EP400: variants seen among roughly 807,000 people sequenced by gnomAD.
EP400 encodes E1A binding protein p400.
Under a neutral mutation model 354.1 loss-of-function variants are expected in EP400, and 105 were observed. That is an observed-to-expected ratio of 0.30 (90% CI 0.25 to 0.35). The LOEUF (loss-of-function observed/expected upper bound fraction) is 0.35, where lower values mean the gene tolerates loss of function less well. EP400 is among the 10% of genes least tolerant of loss of function. EP400 has a pLI of 1.00. For missense variants in EP400, 3,280 were observed against 4,121.0 expected (o/e 0.80, Z 5.59); for synonymous variants, 1,646 against 1,716.9 (o/e 0.96, Z 1.02).
At chr12:132,071,381 T>A (rs1322301284) in intron 51 of EP400, among the ~76,000 whole-genome samples, 1 of 152,160 alleles carries the variant, frequency 6.6e-6, no homozygotes, top group East Asian at 1.9e-4. Context: ...AGATGTCTGA[T>A]CCCTCAGGCC....
intron 23 of EP400, among the ~76,000 whole-genome samples, 181 bp downstream of exon 23, chr12:132,021,502 T>C (rs1894122915): frequency 6.6e-6 from 1 of 152,276 alleles, no homozygotes; most frequent in African/African-American, 2.4e-5. Flanking sequence ...GGAGCGCCTC[T>C]GTGGAGGCCA....
intron 45 of EP400, among the ~76,000 whole-genome samples, chr12:132,060,921 A>C (rs1895671476): frequency 6.6e-6 from 1 of 151,970 alleles, no homozygotes; most frequent in Admixed American, 6.6e-5. Flanking sequence ...TCTCAAAAAA[A>C]AAAAAAAACA....
intron 35 of EP400, 138 bp from the exon 36 acceptor site, chr12:132,044,533 A>T: frequency 8.2e-7 from 1 of 1,220,454 alleles, no homozygotes; most frequent in Non-Finnish European, 1.2e-6. Context: ...TCTGATTAAA[A>T]CATTTATAAG....
chr12:132,025,587 G>T lies in EP400; in HGVS notation c.4856-59G>T. 1.3e-6 allele frequency: 2 copies of T among 1,486,014 alleles called. No homozygotes were observed. Among genetic ancestry groups the T allele is most frequent in the South Asian group, 2.7e-5 (2 of 73,450 alleles). The allele number at this position is 1,486,014 out of a possible 1,614,324, so 92.1% of individuals were successfully genotyped here. A position where few individuals can be genotyped will look rare whatever the true frequency, so the allele number is the denominator to read the frequency against. ...TTTGTACTGTTTGGAAGTGCCTGGA[G>T]TGTGTGGCTGTGATGTACACATGCC... is the stretch of plus-strand genomic sequence containing the variant. On this transcript the variant is annotated intron_variant, in intron 24 of 52. Transcript: ENST00000389561. This position sits in a 1 kb window ranked among gnomAD's most constrained non-coding sequence, Gnocchi z 4.1.
chr12:132,028,385 G>A (rs1325111860), intron 27 of EP400, 97 bp downstream of exon 27: 7 of 1,462,668 alleles, frequency 4.8e-6, no homozygotes, highest in East Asian at 2.3e-5. Context: ...TACTCCCATC[G>A]GCTTCTCCCC....
chr12:132,039,579 C>T (rs1342322462), intron 32 of EP400, among the ~76,000 whole-genome samples: 6 of 152,214 alleles, frequency 3.9e-5, no homozygotes, highest in Non-Finnish European at 7.3e-5. Flanking sequence ...TGCCCCCAAC[C>T]CCGCCACCAC....
chr12:132,069,108 T>C (rs1228974363), intron 50 of EP400: 4 of 203,608 alleles, frequency 2.0e-5, no homozygotes, highest in Non-Finnish European at 3.0e-5. Context: ...ATTTTCTTTA[T>C]GTCTGCCAAG....
chr12:131,983,066 A>C (rs1249442785), intron 5 of EP400, among the ~76,000 whole-genome samples: 1 of 152,148 alleles, frequency 6.6e-6, no homozygotes, highest in Non-Finnish European at 1.5e-5. Flanking sequence ...TGTTGTGTGA[A>C]GGGCATGGTG....
chr12:132,072,771 C>G (rs1896103176), intron 51 of EP400, among the ~76,000 whole-genome samples: 1 of 152,134 alleles, frequency 6.6e-6, no homozygotes, highest in Non-Finnish European at 1.5e-5. Flanking sequence ...TCTGAGTATG[C>G]CTTTATCTGT....
At chr12:131,997,087 A>T (rs904191101) in intron 12 of EP400, among the ~76,000 whole-genome samples, 2 of 152,082 alleles carry the variant, frequency 1.3e-5, no homozygotes, top group Non-Finnish European at 2.9e-5. Context: ...TGGTTTTGTT[A>T]TACAGTTGAC....
chr12:132,078,782 C>T lies in EP400; in HGVS notation c.*1109C>T, dbSNP rs755417972. The T allele has an allele frequency of 6.6e-6, 1 of 152,240 alleles. No individual in the cohort carries two copies. Among genetic ancestry groups the T allele is most frequent in the Non-Finnish European group, 1.5e-5 (1 of 68,044 alleles). The allele number at this position is 152,240 out of a possible 1,614,324, so 9.4% of individuals were successfully genotyped here. A position where few individuals can be genotyped will look rare whatever the true frequency, so the allele number is the denominator to read the frequency against. On this transcript the variant is annotated 3_prime_UTR_variant, in exon 53 of 53. Transcript: ENST00000389561. ...TCTAGGATAAGCTTGTGTGGTTCTG[C>T]CAGTGAAGCAGAGAACCACCTGTGC...
intron 7 of EP400, among the ~76,000 whole-genome samples, chr12:131,988,547 T>C (rs1833729336): frequency 6.6e-6 from 1 of 152,214 alleles, no homozygotes; most frequent in Non-Finnish European, 1.5e-5. Context: ...CTCCTGGGCT[T>C]CTAGTCTAGC....
chr12:132,020,087 G>A lies in EP400; in HGVS notation c.4316G>A (p.Gly1439Asp). Residue 1439 changes from glycine (G) to aspartate (D), a missense_variant, in exon 22 of 53, where the codon GGT becomes GAT. Gly to Asp is a moderately conservative substitution (Grantham distance 94, BLOSUM62 -1). Around this residue, in one of 20 missense-constraint regions of EP400, gnomAD observed 342 missense variants for 342.7 expected, o/e 1.00. Transcript: ENST00000389561. ...GTGCAGTATGGCCAGAAGCCCGAGG[G>A]TCGCACCGTGGCTTTCCCCAGCACT... ...QPVQYGQKPE[G>D]RTVAFPSTHP... 6.3e-7 allele frequency: 1 copy of A among 1,598,286 alleles called. No homozygotes were observed. Among genetic ancestry groups the A allele is most frequent in the Non-Finnish European group, 8.5e-7 (1 of 1,172,316 alleles).
In EP400 at chr12:132,045,380, T is replaced by C; in HGVS notation, c.6846T>C (p.Phe2282=). 1 of 1,614,264 alleles carries C rather than the reference T, an allele frequency of 6.2e-7. No individual in the cohort carries two copies. Among genetic ancestry groups the C allele is most frequent in the Non-Finnish European group, 8.5e-7 (1 of 1,180,052 alleles). The change falls in exon 38 of 53, where the codon TTT becomes TTC. Residue 2282 remains phenylalanine (F), a synonymous_variant. Coordinates refer to ENST00000389561, the MANE Select transcript of EP400 (RefSeq NM_015409.5). ...GEAVVPPRSL[F]DRATPGLLKI... ...CGGTCGTCCCTCCTCGGTCCCTGTTTGACCGCGCAACACCAGGACTTCTGA... is the reference window on the plus strand; with the variant it reads ...CGGTCGTCCCTCCTCGGTCCCTGTTCGACCGCGCAACACCAGGACTTCTGA...
chr12:132,053,052 C>T, intron 41 of EP400, 94 bp from the exon 42 acceptor site: 3 of 1,371,124 alleles, frequency 2.2e-6, no homozygotes, highest in Non-Finnish European at 3.1e-6. Flanking sequence ...TGGAGCTGCC[C>T]CAGCACCTGG....
At position 132,055,194 on chromosome 12, in the gene EP400, C is replaced by T. The variant is rs1895442673; in HGVS notation, c.7870C>T (p.Pro2624Ser). Reference protein sequence around the residue: ...INKRLASPVAPGALTTPGGSA... With the variant: ...INKRLASPVASGALTTPGGSA... ...CAAGCGCCTGGCGTCGCCAGTGGCT[C>T]CTGGGGCCTTGACTGTGAGTTGCGC... The change falls in exon 45 of 53, where the codon CCT becomes TCT. Residue 2624 changes from proline to serine, a missense_variant. Physicochemically the swap from Pro to Ser is moderately conservative, Grantham distance 74. Coordinates refer to ENST00000389561, the MANE Select transcript of EP400 (RefSeq NM_015409.5). The T allele has an allele frequency of 6.4e-7, 1 of 1,567,586 alleles. No individual in the cohort carries two copies. The highest frequency in any genetic ancestry group is 1.4e-5 in the African/African-American group (1 of 73,472).
At chr12:131,985,122 C>T (rs528456260) in intron 5 of EP400, among the ~76,000 whole-genome samples, 139 of 152,236 alleles carry the variant, frequency 9.1e-4, no homozygotes, top group African/African-American at 3.3e-3. Flanking sequence ...TCCCAAAATG[C>T]TGGGATTACA....
intron 30 of EP400, among the ~76,000 whole-genome samples, chr12:132,034,729 C>T (rs983104845): frequency 3.9e-5 from 6 of 152,194 alleles, no homozygotes; most frequent in Non-Finnish European, 7.3e-5. Context: ...TTGTGCTCCA[C>T]GAGTGAGAGG....
At chr12:132,035,698 A>G (rs1214514829) in intron 30 of EP400, among the ~76,000 whole-genome samples, 1 of 150,028 alleles carries the variant, frequency 6.7e-6, no homozygotes, top group East Asian at 2.0e-4. Context: ...ATGGAAGGGC[A>G]CACCCAGGTT....
Sources: allele counts gnomAD v4.1 joint callset (sites outside exome capture counted in the v4.1 genomes callset), GRCh38; gene constraint gnomAD v4.1.1; regional missense constraint gnomAD v4.1.1; non-coding constraint Gnocchi (gnomAD v3.1); transcripts MANE v1.5; gene names NCBI Gene and HGNC (gene_info 2026-07-23, HGNC 2026-07-21).